Variants in BRSK1 observed in about 807,000 individuals in gnomAD.
BRSK1 encodes BR serine/threonine kinase 1.
BRSK1 carries 17 observed loss-of-function variants against 86.2 expected under a neutral mutation model. That is an observed-to-expected ratio of 0.20 (90% CI 0.14 to 0.30). The LOEUF is 0.30. Among genes scored for constraint, BRSK1 ranks in the 10% least tolerant of loss-of-function variants. The pLI, the probability that BRSK1 is intolerant of heterozygous loss-of-function variation, is 1.00. For missense variants in BRSK1, 719 were observed against 1,071.9 expected, an observed-to-expected ratio of 0.67 and a Z score of 4.60; for synonymous variants, 464 against 440.1, an observed-to-expected ratio of 1.05 and a Z score of -0.68.
intron 7 of BRSK1, among the ~76,000 whole-genome samples, chr19:55,299,476 C>T (rs918355629): frequency 1.4e-5 from 2 of 148,060 alleles, no homozygotes; most frequent in Admixed American, 6.7e-5. Context: ...GCCTCCGCCT[C>T]CTGGGTTCAA....
Position 55,302,006 on chromosome 19 carries a change from A to G in BRSK1, c.826-131A>G, listed in dbSNP as rs2088578108. 1 of 1,099,678 alleles carries G rather than the reference A, an allele frequency of 9.1e-7. No homozygotes were observed. The highest frequency in any genetic ancestry group is 1.4e-6 in the Non-Finnish European group (1 of 716,588). 68.1% of individuals were successfully genotyped at this position (1,099,678 alleles called of 1,614,324 possible). A position where few individuals can be genotyped will look rare whatever the true frequency, so the allele number is the denominator to read the frequency against. Reference sequence around the variant, plus strand: ...AGTCGCCACTAGAGGGCGATGTAATATGTCATCCTGCCCCCGGTGGGGTGG... The same window carrying G: ...AGTCGCCACTAGAGGGCGATGTAATGTGTCATCCTGCCCCCGGTGGGGTGG... On this transcript the variant is annotated intron_variant, in intron 8 of 18. Transcript: ENST00000309383. This position sits in a 1 kb window ranked among gnomAD's most constrained non-coding sequence, Gnocchi z 6.3.
chr19:55,288,445 G>A (rs2088353714), intron 3 of BRSK1, among the ~76,000 whole-genome samples: 1 of 146,110 alleles, frequency 6.8e-6, no homozygotes, highest in Non-Finnish European at 1.5e-5. Context: ...CTGCATTCCA[G>A]CGTGGGCGAC....
rs1435802424 is a variant in BRSK1, at chr19:55,303,984, G to A, written c.1287-66G>A. 1.9e-6 allele frequency: 3 copies of A among 1,548,562 alleles called. No homozygotes were observed. The highest frequency in any genetic ancestry group is 2.8e-5 in the African/African-American group (2 of 72,664). ...CACCTGGAAGGACTGTAGAAGTGAG[G>A]GAACATCTGTGGTTTTTGAAACCCT... On this transcript the variant is annotated intron_variant, in intron 12 of 18. Coordinates refer to ENST00000309383, the MANE Select transcript of BRSK1 (RefSeq NM_032430.2). This position sits in a 1 kb window ranked among gnomAD's most constrained non-coding sequence, Gnocchi z 5.1.
intron 4 of BRSK1, among the ~76,000 whole-genome samples, chr19:55,293,613 C>A (rs889971516): frequency 2.0e-5 from 3 of 151,990 alleles, no homozygotes; most frequent in African/African-American, 4.8e-5. Flanking sequence ...GAGCTCAAGA[C>A]CAGCCTGGCC....
In BRSK1 at chr19:55,302,148, T is replaced by A; in HGVS notation, c.837T>A (p.Ile279=). 1 of 1,613,866 alleles carries A rather than the reference T, an allele frequency of 6.2e-7. No homozygotes were observed. The highest frequency in any genetic ancestry group is 8.5e-7 in the Non-Finnish European group (1 of 1,179,924). Residue 279 remains isoleucine, a synonymous_variant, in exon 9 of 19, where the codon ATT becomes ATA. Coordinates refer to ENST00000309383, the MANE Select transcript of BRSK1 (RefSeq NM_032430.2). This position sits in a 1 kb window ranked among gnomAD's most constrained non-coding sequence, Gnocchi z 6.3. ...CACCACCCTCACAGCTGGAGCAAAT[T>A]CAGAAACATCCTTGGTACCTGTGAG... The part of the protein sequence containing the change: ...EPEKRLSLEQ[I]QKHPWYLGGK...
In BRSK1 at chr19:55,303,925, A is replaced by G; in HGVS notation, c.1286+99A>G. On this transcript the variant is annotated intron_variant, in intron 12 of 18. Coordinates refer to ENST00000309383, the MANE Select transcript of BRSK1 (RefSeq NM_032430.2). The surrounding 1 kb of genome is among the most constrained non-coding windows in gnomAD (Gnocchi z 5.1). ...ACCTCAAATGTGCTGTGTCCTTGGG[A>G]CAATTCACCTCCCCTCTCTGGGCCT... The G allele has an allele frequency of 2.0e-6, 3 of 1,514,736 alleles. No individual in the cohort carries two copies. The highest frequency in any genetic ancestry group is 2.7e-6 in the Non-Finnish European group (3 of 1,127,264). The allele number at this position is 1,514,736 out of a possible 1,614,324, so 93.8% of individuals were successfully genotyped here.
At position 55,296,569 on chromosome 19, in the gene BRSK1, G is replaced by A. The variant is rs537206924; in HGVS notation, c.678+2172G>A. Among the ~76,000 whole-genome samples the A allele has an allele frequency of 1.9e-4, 29 of 152,258 alleles. No homozygotes were observed. The South Asian group carries it at 3.5e-3, about 19-fold the overall frequency. On this transcript the variant is annotated intron_variant, in intron 7 of 18. Coordinates refer to ENST00000309383, the MANE Select transcript of BRSK1 (RefSeq NM_032430.2). ...GTTAAGAAAGTAGCCAGGCATTGCC[G>A]GGCGCGGTGGCTCACGCCTGTAATC...
In BRSK1 at chr19:55,306,299, C is replaced by T. The variant is rs749430001; in HGVS notation, c.1938C>T (p.Ala646=). ...HSVLSQTSFR[A]EYKASGGPSV... is the part of the protein sequence containing the mutation. ...TGCTGTCACAGACCAGCTTCAGGGC[C>T]GAGTACAAGGCCAGTGGCGGCCCCT... The change falls in exon 17 of 19, where the codon GCC becomes GCT. Residue 646 remains alanine, a synonymous_variant. Coordinates refer to ENST00000309383, the MANE Select transcript of BRSK1 (RefSeq NM_032430.2). The surrounding 1 kb of genome is among the most constrained non-coding windows in gnomAD (Gnocchi z 4.7). 1.7e-5 allele frequency: 27 copies of T among 1,614,142 alleles called. No homozygotes were observed. The highest frequency in any genetic ancestry group is 6.6e-5 in the South Asian group (6 of 91,090).
At chr19:55,301,760 T>C (rs556208592) in intron 8 of BRSK1, 102 bp downstream of exon 8, 10 of 1,370,440 alleles carry the variant, frequency 7.3e-6, no homozygotes, top group African/African-American at 1.4e-5. Flanking sequence ...TGCTCGTCAG[T>C]CCCCAGGGTG....
At chr19:55,307,287 C>T (rs1407710309) in intron 17 of BRSK1, among the ~76,000 whole-genome samples, 3 of 152,134 alleles carry the variant, frequency 2.0e-5, no homozygotes, top group Non-Finnish European at 4.4e-5. Context: ...AGGCTGGGCG[C>T]GGTGGCTCAC....
Position 55,304,242 on chromosome 19 carries a change from C to T in BRSK1, c.1347+132C>T. 1.1e-6 allele frequency: 1 copy of T among 947,874 alleles called. No homozygotes were observed. The highest frequency in any genetic ancestry group is 1.5e-6 in the Non-Finnish European group (1 of 646,844). 58.7% of individuals were successfully genotyped at this position (947,874 alleles called of 1,614,324 possible). A position where few individuals can be genotyped will look rare whatever the true frequency, so the allele number is the denominator to read the frequency against. ...TCTTTGTCCCTGGAGGGCCAAAGACCCAAGGCCTCCAAAGTATTTTGGTCC... is the reference window on the plus strand; with the variant it reads ...TCTTTGTCCCTGGAGGGCCAAAGACTCAAGGCCTCCAAAGTATTTTGGTCC... On this transcript the variant is annotated intron_variant, in intron 13 of 18. Coordinates refer to ENST00000309383, the MANE Select transcript of BRSK1 (RefSeq NM_032430.2). The surrounding 1 kb of genome is among the most constrained non-coding windows in gnomAD (Gnocchi z 5.2).
At chr19:55,296,574 C>T (rs986832362) in intron 7 of BRSK1, among the ~76,000 whole-genome samples, 8 of 152,182 alleles carry the variant, frequency 5.3e-5, no homozygotes, top group Middle Eastern at 3.4e-3. Context: ...TTGCCGGGCG[C>T]GGTGGCTCAC....
rs1006331478 is a variant in BRSK1, at chr19:55,293,925, T to G, written c.459-92T>G. 3 of 1,087,206 alleles carry G rather than the reference T, an allele frequency of 2.8e-6. No individual in the cohort carries two copies. The African/African-American group carries it at 4.7e-5, about 17-fold the overall frequency. 67.3% of individuals were successfully genotyped at this position (1,087,206 alleles called of 1,614,324 possible). ...TCTCATCCCCTAAAAATCCAAAAAG[T>G]ATGCAGAAGTGTTCCACTGTGAGAG... On this transcript the variant is annotated intron_variant, in intron 4 of 18. Coordinates refer to ENST00000309383, the MANE Select transcript of BRSK1 (RefSeq NM_032430.2).
chr19:55,291,882 C>A (rs1190430459), intron 4 of BRSK1, among the ~76,000 whole-genome samples: 1 of 152,184 alleles, frequency 6.6e-6, no homozygotes, highest in Non-Finnish European at 1.5e-5. Flanking sequence ...TCTCAACCTT[C>A]CGAGTACCTG....
chr19:55,302,561 G>A lies in BRSK1; in HGVS notation c.858-136G>A, dbSNP rs1299563900. The A allele has an allele frequency of 1.8e-5, 21 of 1,169,934 alleles. No individual in the cohort carries two copies. The highest frequency in any genetic ancestry group is 7.1e-5 in the East Asian group (3 of 42,160). 72.5% of individuals were successfully genotyped at this position (1,169,934 alleles called of 1,614,324 possible). On this transcript the variant is annotated intron_variant, in intron 9 of 18. Coordinates refer to ENST00000309383, the MANE Select transcript of BRSK1 (RefSeq NM_032430.2). The surrounding 1 kb of genome is among the most constrained non-coding windows in gnomAD (Gnocchi z 6.3). ...TGAGATGGGGGGCGAGGTCTGGGGC[G>A]TCTGGATTCCTGGGTATGAGAGAGA...
chr19:55,307,050 C>G (rs1435729245), intron 17 of BRSK1, among the ~76,000 whole-genome samples: 4 of 152,190 alleles, frequency 2.6e-5, no homozygotes, highest in Non-Finnish European at 5.9e-5. Flanking sequence ...CACTAAAATA[C>G]CTTGCTTCCA....
At chr19:55,300,576 C>T (rs562629937) in intron 7 of BRSK1, among the ~76,000 whole-genome samples, 136 of 152,206 alleles carry the variant, frequency 8.9e-4, no homozygotes, top group African/African-American at 2.7e-3. Flanking sequence ...TGGTGGCTCA[C>T]GCCTGTAATC....
Position 55,303,669 on chromosome 19 carries a change from C to G in BRSK1, c.1129C>G (p.Pro377Ala). 6.3e-7 allele frequency: 1 copy of G among 1,596,768 alleles called. No homozygotes were observed. Among genetic ancestry groups the G allele is most frequent in the Non-Finnish European group, 8.5e-7 (1 of 1,171,102 alleles). ...QDLPPRNDVDPPRKRVDSPML... is the reference protein window; with the variant it reads ...QDLPPRNDVDAPRKRVDSPML... ...GGGTTGAAACTGTTGTCCCTCAGAC[C>G]CCCCCCGGAAGCGTGTGGATTCTCC... Residue 377 changes from proline (P) to alanine (A), a missense_variant and splice_region_variant, in exon 12 of 19, where the codon CCC (proline) becomes GCC (alanine). Physicochemically the swap from Pro to Ala is conservative, Grantham distance 27. Coordinates refer to ENST00000309383, the MANE Select transcript of BRSK1 (RefSeq NM_032430.2). The surrounding 1 kb of genome is among the most constrained non-coding windows in gnomAD (Gnocchi z 5.1).
Position 55,284,358 on chromosome 19 carries a change from C to A in BRSK1, c.-85C>A. 1.1e-6 allele frequency: 1 copy of A among 909,686 alleles called. No individual in the cohort carries two copies. The highest frequency in any genetic ancestry group is 1.4e-6 in the Non-Finnish European group (1 of 691,382). 56.4% of individuals were successfully genotyped at this position (909,686 alleles called of 1,614,324 possible). A position where few individuals can be genotyped will look rare whatever the true frequency, so the allele number is the denominator to read the frequency against. Reference sequence around the variant, plus strand: ...GGCAGCCGGGGGGGCCGGGACGGAGCGGTCGCCGGCCCCCACCGGAGAGAC... The same window carrying A: ...GGCAGCCGGGGGGGCCGGGACGGAGAGGTCGCCGGCCCCCACCGGAGAGAC... On this transcript the variant is annotated 5_prime_UTR_variant, in exon 1 of 19. Coordinates refer to ENST00000309383, the MANE Select transcript of BRSK1 (RefSeq NM_032430.2).
Sources: allele counts gnomAD v4.1 joint callset (sites outside exome capture counted in the v4.1 genomes callset), GRCh38; gene constraint gnomAD v4.1.1; non-coding constraint Gnocchi (gnomAD v3.1); transcripts MANE v1.5; gene names NCBI Gene and HGNC (gene_info 2026-07-23, HGNC 2026-07-21).